EFCAB6: variants seen among roughly 807,000 people sequenced by gnomAD.
The protein encoded by EFCAB6 is EF-hand calcium binding domain 6.
In EFCAB6, 156 loss-of-function variants were observed where a neutral mutation model predicts 169.8. That is an observed-to-expected ratio of 0.92 (90% CI 0.81 to 1.05). EFCAB6 has a LOEUF of 1.05. EFCAB6 is among the 50% of genes least tolerant of loss of function. The pLI is 0.00. For missense variants in EFCAB6, 1,800 were observed against 1,829.1 expected (o/e 0.98, Z 0.29); for synonymous variants, 698 against 676.4 (o/e 1.03, Z -0.50).
At chr22:43,625,265 G>A (rs1053513927) in intron 20 of EFCAB6, among the ~76,000 whole-genome samples, 1 of 152,114 alleles carries the variant, frequency 6.6e-6, no homozygotes. Flanking sequence ...TGCGATACCT[G>A]TCTAGAACCC....
At chr22:43,766,896 G>T (rs2061341112) in intron 4 of EFCAB6, among the ~76,000 whole-genome samples, 1 of 151,940 alleles carries the variant, frequency 6.6e-6, no homozygotes, top group South Asian at 2.1e-4. Context: ...GTCTCATTCT[G>T]TTGCCCAGGC....
At chr22:43,553,116 CA>C (rs1428213260) in intron 27 of EFCAB6, 1 of 152,120 alleles carries the variant, frequency 6.6e-6, no homozygotes, top group African/African-American at 2.4e-5. Context: ...TGAGTAGAGC[CA>C]GGGGTGACTG....
At chr22:43,622,639 T>C (rs1389242446) in intron 20 of EFCAB6, among the ~76,000 whole-genome samples, 3 of 152,340 alleles carry the variant, frequency 2.0e-5, no homozygotes, top group Admixed American at 2.0e-4. Flanking sequence ...ATTTGTTATG[T>C]GGTCTTAGCG....
intron 2 of EFCAB6, among the ~76,000 whole-genome samples, chr22:43,794,434 G>A (rs1241712786): frequency 6.6e-6 from 1 of 152,178 alleles, no homozygotes; most frequent in African/African-American, 2.4e-5. Flanking sequence ...CCAAACTCCG[G>A]TGAATTTAAT....
intron 10 of EFCAB6, among the ~76,000 whole-genome samples, chr22:43,688,406 C>T (rs2058281387): frequency 6.6e-6 from 1 of 152,200 alleles, no homozygotes; most frequent in South Asian, 2.1e-4. Flanking sequence ...GATTTAAAGT[C>T]TTAGCAAGAA....
At chr22:43,667,918 A>C (rs942177300) in intron 16 of EFCAB6, among the ~76,000 whole-genome samples, 2 of 152,122 alleles carry the variant, frequency 1.3e-5, no homozygotes, top group African/African-American at 2.4e-5. Context: ...TGGGGAAAAA[A>C]CAGCCCTGAG....
intron 17 of EFCAB6, among the ~76,000 whole-genome samples, chr22:43,648,593 C>T (rs1284352117): frequency 6.6e-6 from 1 of 152,088 alleles, no homozygotes; most frequent in Non-Finnish European, 1.5e-5. Context: ...GCTGAAAAAC[C>T]ACCTGTTGGG....
At position 43,795,897 on chromosome 22, in the gene EFCAB6, A is replaced by G. The variant is rs2062488803; in HGVS notation, c.-8+13098T>C. On this transcript the variant is annotated intron_variant, in intron 2 of 31. Transcript: ENST00000262726. This position sits in a 1 kb window ranked among gnomAD's most constrained non-coding sequence, Gnocchi z 4.2. The stretch of plus-strand genomic sequence containing the variant: ...CAGTCACCACACACAATACACACTC[A>G]CCACACATACACCACACACACACAC... Among the ~76,000 whole-genome samples the G allele has an allele frequency of 6.7e-6, 1 of 149,830 alleles. No individual in the cohort carries two copies. Among genetic ancestry groups the G allele is most frequent in the Non-Finnish European group, 1.5e-5 (1 of 67,496 alleles).
In EFCAB6 at chr22:43,795,067, C is replaced by G. The variant is rs1161633796; in HGVS notation, c.-7-12742G>C. On this transcript the variant is annotated intron_variant, in intron 2 of 31. Coordinates refer to ENST00000262726, the MANE Select transcript of EFCAB6 (RefSeq NM_022785.4). The surrounding 1 kb of genome is among the most constrained non-coding windows in gnomAD (Gnocchi z 4.2). The stretch of plus-strand genomic sequence containing the variant: ...GCCCCTTGCCCTGCCCGAACCTCAT[C>G]GTCACAGACAGTCTACCCTCACACA... Among the ~76,000 whole-genome samples, 3 of 152,126 alleles carry G rather than the reference C, an allele frequency of 2.0e-5. No individual in the cohort carries two copies. The East Asian group carries it at 5.8e-4, about 29-fold the overall frequency.
intron 23 of EFCAB6, among the ~76,000 whole-genome samples, chr22:43,594,111 G>C (rs1442200276): frequency 1.3e-5 from 2 of 151,732 alleles, no homozygotes; most frequent in Non-Finnish European, 1.5e-5. Context: ...CCCCGTCTCT[G>C]CTAAAAATAC....
chr22:43,797,528 G>A (rs569146503), intron 2 of EFCAB6, among the ~76,000 whole-genome samples: 1 of 152,136 alleles, frequency 6.6e-6, no homozygotes, highest in South Asian at 2.1e-4. Context: ...ACACTAAATT[G>A]TAGGATTCTC....
chr22:43,551,821 C>G (rs1013865975), intron 27 of EFCAB6: 2 of 149,672 alleles, frequency 1.3e-5, no homozygotes, highest in African/African-American at 4.9e-5. Context: ...ATCCATGTCC[C>G]TTGTTCCTTT....
Position 43,608,718 on chromosome 22 carries a change from C to T in EFCAB6, c.2563-118G>A, listed in dbSNP as rs534253805. 230 of 865,368 alleles carry T rather than the reference C, an allele frequency of 2.7e-4. No homozygotes were observed. In the African/African-American group the frequency reaches 3.4e-3, roughly 13 times the overall value. The allele number at this position is 865,368 out of a possible 1,614,324, so 53.6% of individuals were successfully genotyped here. ...AGGCATCTGTATCCCCATCCACCTCCTTAATCACCTTTTAATCTACGTTCC... is the reference window on the plus strand; with the variant it reads ...AGGCATCTGTATCCCCATCCACCTCTTTAATCACCTTTTAATCTACGTTCC... On this transcript the variant is annotated intron_variant, in intron 21 of 31. Transcript: ENST00000262726.
At chr22:43,529,698 A>G (rs1322261440) in intron 31 of EFCAB6, among the ~76,000 whole-genome samples, 1 of 152,170 alleles carries the variant, frequency 6.6e-6, no homozygotes, top group Non-Finnish European at 1.5e-5. Context: ...ACCTTGGATC[A>G]TGAGGTGGCC....
intron 19 of EFCAB6, 92 bp from the exon 20 acceptor site, chr22:43,626,771 C>T (rs148110626): frequency 1.4e-5 from 17 of 1,175,102 alleles, no homozygotes; most frequent in Admixed American, 4.1e-5. Flanking sequence ...CATCTCCACG[C>T]GAGGAGGGGC....
chr22:43,663,891 TGA>T (rs1308489641), intron 17 of EFCAB6, among the ~76,000 whole-genome samples: 1 of 152,118 alleles, frequency 6.6e-6, no homozygotes, highest in African/African-American at 2.4e-5. Flanking sequence ...TCCGGAATTG[TGA>T]GAGAGTAATT....
At chr22:43,669,079 T>C (rs781174567) in intron 15 of EFCAB6, 34 bp from the exon 16 acceptor site, 2 of 1,524,314 alleles carry the variant, frequency 1.3e-6, no homozygotes, top group South Asian at 1.4e-5. Flanking sequence ...ACACACTCAG[T>C]AGAGTAATTA....
chr22:43,637,695 G>A lies in EFCAB6; in HGVS notation c.1984-2479C>T, dbSNP rs182644376. 4.6e-3 allele frequency among the ~76,000 whole-genome samples: 707 copies of A among 152,238 alleles called. 4 individuals carry two copies. The highest frequency in any genetic ancestry group is 7.1e-3 in the Non-Finnish European group (486 of 68,022). On this transcript the variant is annotated intron_variant, in intron 17 of 31. Coordinates refer to ENST00000262726, the MANE Select transcript of EFCAB6 (RefSeq NM_022785.4). ...AATTCGGCAGGAAGCACGTGATTGGGAATGCTGAGAGTTCTGTGCCATCTG... is the reference window on the plus strand; with the variant it reads ...AATTCGGCAGGAAGCACGTGATTGGAAATGCTGAGAGTTCTGTGCCATCTG...
intron 27 of EFCAB6, among the ~76,000 whole-genome samples, chr22:43,545,080 G>T (rs2047973655): frequency 6.6e-6 from 1 of 152,202 alleles, no homozygotes; most frequent in African/African-American, 2.4e-5. Context: ...CCAGGAGGTG[G>T]AGCTTGCAGT....
Sources: gnomAD v4.1 joint callset for allele counts (sites outside exome capture counted in the v4.1 genomes callset) on GRCh38, gnomAD v4.1.1 for gene constraint, Gnocchi (gnomAD v3.1) non-coding constraint, MANE v1.5 for transcripts, NCBI Gene and HGNC (gene_info 2026-07-23, HGNC 2026-07-21) for gene names.